The following PLCB4 variants were observed in gnomAD, a reference collection of about 807,000 sequenced individuals.
The protein encoded by PLCB4 is 1-phosphatidylinositol 4,5-bisphosphate phosphodiesterase beta-4.
Under a neutral mutation model 178.8 loss-of-function variants are expected in PLCB4, and 77 were observed. The ratio of observed to expected loss-of-function variants is 0.43; its 90% CI spans 0.36 to 0.52. The LOEUF (loss-of-function observed/expected upper bound fraction) is 0.52, where lower values mean the gene tolerates loss of function less well. Among genes scored for constraint, PLCB4 ranks in the 20% least tolerant of loss-of-function variants. The pLI is 0.00. For missense variants in PLCB4, 1,024 were observed against 1,453.4 expected, an observed-to-expected ratio of 0.70 and a Z score of 4.80; for synonymous variants, 496 against 490.8, an observed-to-expected ratio of 1.01 and a Z score of -0.14.
Position 9,076,191 on chromosome 20 carries a change from G to A in PLCB4, c.-135+6985G>A, listed in dbSNP as rs142044999. ...CTTTAAAATAAGAACACCTGGCCGGGCGCGATGGCTCACGCCTGTAATTTC... is the reference window on the plus strand; with the variant it reads ...CTTTAAAATAAGAACACCTGGCCGGACGCGATGGCTCACGCCTGTAATTTC... On this transcript the variant is annotated intron_variant, in intron 1 of 39. Coordinates refer to ENST00000378473, the MANE Select transcript of PLCB4 (RefSeq NM_001377142.1). Among the ~76,000 whole-genome samples, 695 of 152,190 alleles carry A rather than the reference G, an allele frequency of 4.6e-3. 3 individuals carry two copies. The highest frequency in any genetic ancestry group is 0.015 in the African/African-American group (617 of 41,518).
intron 3 of PLCB4, among the ~76,000 whole-genome samples, chr20:9,300,488 TA>T (rs987806230): frequency 6.6e-6 from 1 of 152,270 alleles, no homozygotes; most frequent in East Asian, 1.9e-4. Context: ...CAAATAGGAA[TA>T]AAAAATGAAG....
intron 3 of PLCB4, among the ~76,000 whole-genome samples, chr20:9,285,896 A>G (rs1448251613): frequency 6.6e-6 from 1 of 152,032 alleles, no homozygotes; most frequent in Non-Finnish European, 1.5e-5. Context: ...CTATTGTGAA[A>G]TAGAACAATG....
chr20:9,414,264 A>T (rs1324536777), intron 25 of PLCB4, among the ~76,000 whole-genome samples: 1 of 152,150 alleles, frequency 6.6e-6, no homozygotes, highest in Non-Finnish European at 1.5e-5. Flanking sequence ...TAATCTCCTA[A>T]TTCCCCTTCC....
chr20:9,317,699 G>A (rs2094914042), intron 4 of PLCB4, among the ~76,000 whole-genome samples: 1 of 152,182 alleles, frequency 6.6e-6, no homozygotes, highest in Non-Finnish European at 1.5e-5. Flanking sequence ...ACACAAGACA[G>A]GAAGAAAGTA....
At position 9,293,401 on chromosome 20, in the gene PLCB4, A is replaced by AAAGGG. The variant is rs138357492; in HGVS notation, c.-15-14380_-15-14376dup. ...AAAGGGAAGGAAAGGGAAGGAAAGG[A>AAAGGG]AAGGGAAGGGAAGGGAAGGGAAGAA... is the stretch of plus-strand genomic sequence containing the variant. On this transcript the variant is annotated intron_variant, in intron 3 of 39. Coordinates refer to ENST00000378473, the MANE Select transcript of PLCB4 (RefSeq NM_001377142.1). Among the ~76,000 whole-genome samples the AAAGGG allele has an allele frequency of 1.4e-3, 206 of 145,002 alleles. 1 individual carries two copies. The highest frequency in any genetic ancestry group is 4.4e-3 in the African/African-American group (172 of 38,878).
chr20:9,134,652 A>G (rs772436096), intron 2 of PLCB4, among the ~76,000 whole-genome samples: 6 of 152,118 alleles, frequency 3.9e-5, no homozygotes, highest in Non-Finnish European at 7.4e-5. Flanking sequence ...CTGTTTGCCT[A>G]AGAGAAAAAG....
At chr20:9,348,001 TAAGG>T (rs375928503) in intron 7 of PLCB4, among the ~76,000 whole-genome samples, 62 of 152,086 alleles carry the variant, frequency 4.1e-4, no homozygotes, top group African/African-American at 1.4e-3. Context: ...CAAAAAAACT[TAAGG>T]AAGCACTCTC....
intron 2 of PLCB4, among the ~76,000 whole-genome samples, chr20:9,153,285 G>A (rs2092722108): frequency 6.6e-6 from 1 of 152,158 alleles, no homozygotes; most frequent in Non-Finnish European, 1.5e-5. Flanking sequence ...AGGGTGGAAT[G>A]ATTTTGTTTG....
At chr20:9,363,391 T>C (rs1017915493) in intron 8 of PLCB4, among the ~76,000 whole-genome samples, 1 of 152,182 alleles carries the variant, frequency 6.6e-6, no homozygotes, top group Non-Finnish European at 1.5e-5. Flanking sequence ...CACTTGCCAA[T>C]GCACCTGAAA....
chr20:9,302,700 G>C (rs1416452946), intron 3 of PLCB4, among the ~76,000 whole-genome samples: 2 of 152,074 alleles, frequency 1.3e-5, no homozygotes, highest in African/African-American at 4.8e-5. Flanking sequence ...CATATAGTGA[G>C]ACTATTGTGA....
chr20:9,332,983 C>T (rs1174681837), intron 4 of PLCB4, among the ~76,000 whole-genome samples: 1 of 152,140 alleles, frequency 6.6e-6, no homozygotes, highest in Non-Finnish European at 1.5e-5. Flanking sequence ...GGGACTCCTG[C>T]CTTTAGGCAG....
chr20:9,115,901 T>C (rs931927279), intron 2 of PLCB4, among the ~76,000 whole-genome samples: 1 of 152,022 alleles, frequency 6.6e-6, no homozygotes, highest in African/African-American at 2.4e-5. Flanking sequence ...AAATTTGTAA[T>C]ATGCTTTATC....
chr20:9,134,351 A>G (rs919948492), intron 2 of PLCB4, among the ~76,000 whole-genome samples: 9 of 152,208 alleles, frequency 5.9e-5, no homozygotes, highest in Admixed American at 2.6e-4. Context: ...TATAATTTTT[A>G]GCATAAGTAA....
At chr20:9,398,089 G>A (rs1428021377) in intron 19 of PLCB4, among the ~76,000 whole-genome samples, 1 of 152,184 alleles carries the variant, frequency 6.6e-6, no homozygotes, top group South Asian at 2.1e-4. Context: ...CTCATAGCAC[G>A]ATGGCTAAGT....
intron 3 of PLCB4, among the ~76,000 whole-genome samples, chr20:9,297,716 A>C (rs532767554): frequency 6.6e-6 from 1 of 151,976 alleles, no homozygotes; most frequent in Non-Finnish European, 1.5e-5. Context: ...TTGAATGACA[A>C]GGGATTATCA....
intron 20 of PLCB4, among the ~76,000 whole-genome samples, chr20:9,403,216 A>G (rs1005493998): frequency 1.3e-5 from 2 of 152,182 alleles, no homozygotes; most frequent in Non-Finnish European, 2.9e-5. Flanking sequence ...TATAGAAGAC[A>G]GGTTGAGCTA....
At chr20:9,256,017 G>A (rs2094231251) in intron 3 of PLCB4, among the ~76,000 whole-genome samples, 1 of 152,092 alleles carries the variant, frequency 6.6e-6, no homozygotes, top group Admixed American at 6.6e-5. Flanking sequence ...GGGATCAAGA[G>A]TGTGTACCTA....
chr20:9,473,449 C>T (rs897821098), intron 38 of PLCB4, 84 bp downstream of exon 38: 12 of 645,468 alleles, frequency 1.9e-5, no homozygotes, highest in Non-Finnish European at 3.2e-5. Flanking sequence ...TGACCAGTGG[C>T]TTGCATATTG....
intron 4 of PLCB4, among the ~76,000 whole-genome samples, chr20:9,323,822 C>G (rs551494027): frequency 6.6e-6 from 1 of 152,178 alleles, no homozygotes; most frequent in African/African-American, 2.4e-5. Context: ...TGAGGCTCCT[C>G]TGGTGGGCGT....
Sources: gnomAD v4.1 joint callset for allele counts (sites outside exome capture counted in the v4.1 genomes callset) on GRCh38, gnomAD v4.1.1 for gene constraint, MANE v1.5 for transcripts, NCBI Gene and HGNC (gene_info 2026-07-23, HGNC 2026-07-21) for gene names.